Variants in TMEM87A observed in about 807,000 individuals in gnomAD.
TMEM87A encodes the protein Golgi-pH regulating cation channel.
A neutral mutation model predicts 90.0 loss-of-function variants in TMEM87A; 50 were observed. The observed-to-expected ratio is 0.56, with a 90% CI of 0.44 to 0.70. The LOEUF (loss-of-function observed/expected upper bound fraction) is 0.70, where lower values mean the gene tolerates loss of function less well. TMEM87A is among the 30% of genes least tolerant of loss of function. The probability of loss-of-function intolerance (pLI) is 0.00; values close to 1 mark genes in which losing one functional copy is unlikely to be tolerated. For synonymous variants in TMEM87A, 226 were observed against 226.7 expected (o/e 1.00, Z 0.03); for missense variants, 577 against 660.5 (o/e 0.87, Z 1.39).
At chr15:42,235,619 T>C (rs528956438) in intron 10 of TMEM87A, among the ~76,000 whole-genome samples, 2 of 152,300 alleles carry the variant, frequency 1.3e-5, no homozygotes, top group African/African-American at 4.8e-5. Flanking sequence ...CTTCAAAATA[T>C]ATATAGAATC....
At chr15:42,223,294 G>A (rs2050530336) in intron 15 of TMEM87A, among the ~76,000 whole-genome samples, 1 of 152,188 alleles carries the variant, frequency 6.6e-6, no homozygotes, top group Non-Finnish European at 1.5e-5. Context: ...TCAGGAGGCT[G>A]AGGTGGGAGG....
Position 42,227,727 on chromosome 15 carries a change from A to G in TMEM87A, c.1283T>C (p.Ile428Thr). Reference sequence around the variant, plus strand: ...ATAACTCACCGACTGACATGTCACTATTCTGAACTTCATGGTTGTCCAGAT... The same window carrying G: ...ATAACTCACCGACTGACATGTCACTGTTCTGAACTTCATGGTTGTCCAGAT... ...FIIWTTMKFR[I>T]VTCQSDWREL... Residue 428 changes from isoleucine (I) to threonine (T), a missense_variant, in exon 14 of 20, where the codon ATA becomes ACA. Coordinates refer to ENST00000389834, the MANE Select transcript of TMEM87A (RefSeq NM_015497.5). 1 of 1,613,952 alleles carries G rather than the reference A, an allele frequency of 6.2e-7. No homozygotes were observed. The highest frequency in any genetic ancestry group is 8.5e-7 in the Non-Finnish European group (1 of 1,179,898).
chr15:42,214,477 A>T (rs1279104090), intron 19 of TMEM87A, among the ~76,000 whole-genome samples: 1 of 152,220 alleles, frequency 6.6e-6, no homozygotes, highest in South Asian at 2.1e-4. Context: ...AAAGAATCAC[A>T]TACTATGACC....
intron 19 of TMEM87A, among the ~76,000 whole-genome samples, chr15:42,213,982 G>A (rs952306002): frequency 1.3e-5 from 2 of 152,124 alleles, no homozygotes; most frequent in African/African-American, 4.8e-5. Context: ...GGAGAACAAT[G>A]CATGAACAAA....
chr15:42,268,147 C>T (rs2051442876), intron 2 of TMEM87A, 115 bp from the exon 3 acceptor site: 6 of 666,776 alleles, frequency 9.0e-6, no homozygotes, highest in Non-Finnish European at 1.5e-5. Context: ...ACTCAAAGAC[C>T]ATCCTTTCTC....
chr15:42,254,751 A>C (rs921321635), intron 6 of TMEM87A, among the ~76,000 whole-genome samples: 1 of 152,230 alleles, frequency 6.6e-6, no homozygotes, highest in Non-Finnish European at 1.5e-5. Flanking sequence ...AGGCACTGAA[A>C]CTATTCTGTA....
At chr15:42,265,370 T>A (rs1445409407) in intron 3 of TMEM87A, among the ~76,000 whole-genome samples, 4 of 152,188 alleles carry the variant, frequency 2.6e-5, no homozygotes, top group African/African-American at 7.2e-5. Context: ...TGCCAGCATC[T>A]ATTATCCTTT....
chr15:42,214,185 T>G (rs1375584214), intron 19 of TMEM87A, among the ~76,000 whole-genome samples: 1 of 151,730 alleles, frequency 6.6e-6, no homozygotes, highest in African/African-American at 2.4e-5. Flanking sequence ...ATCAAAAACA[T>G]CCCAACAAAA....
chr15:42,268,064 A>G (rs1161115583), intron 2 of TMEM87A, 32 bp from the exon 3 acceptor site: 2 of 1,574,528 alleles, frequency 1.3e-6, no homozygotes, highest in African/African-American at 1.4e-5. Flanking sequence ...TTAACAAAAG[A>G]TAATTCCCCA....
chr15:42,238,183 T>A (rs2050810027), intron 8 of TMEM87A, among the ~76,000 whole-genome samples: 1 of 152,094 alleles, frequency 6.6e-6, no homozygotes, highest in Admixed American at 6.6e-5. Flanking sequence ...ACACCTGCAA[T>A]AGTGCTTTGG....
In TMEM87A at chr15:42,231,237, C is replaced by A; in HGVS notation, c.1086G>T (p.Leu362Phe). ...VTGAQTDLAS[L>F]AFIPLAFLDT... is the part of the protein sequence containing the mutation. ...CTAGGAAAGCCAAGGGGATAAAGGC[C>A]AAGGAAGCAAGATCAGTCTGGGCCT... The change falls in exon 12 of 20, where the codon TTG becomes TTT. Residue 362 changes from leucine to phenylalanine, a missense_variant. By Grantham distance (22) the Leu-to-Phe change is conservative (BLOSUM62 0). Coordinates refer to ENST00000389834, the MANE Select transcript of TMEM87A (RefSeq NM_015497.5). 6.3e-7 allele frequency: 1 copy of A among 1,590,096 alleles called. No homozygotes were observed. The highest frequency in any genetic ancestry group is 2.4e-5 in the East Asian group (1 of 42,252).
At chr15:42,253,602 C>T (rs1269698767) in intron 6 of TMEM87A, among the ~76,000 whole-genome samples, 1 of 152,182 alleles carries the variant, frequency 6.6e-6, no homozygotes, top group Non-Finnish European at 1.5e-5. Flanking sequence ...TATTAGTTCC[C>T]CTGGCACCAG....
intron 1 of TMEM87A, 93 bp downstream of exon 1, chr15:42,273,162 G>A: frequency 2.6e-6 from 4 of 1,511,242 alleles, no homozygotes; most frequent in East Asian, 2.3e-5. Context: ...CCCTTTTGAA[G>A]AGACTTTTGC....
chr15:42,242,085 A>C (rs1052226404), intron 7 of TMEM87A, among the ~76,000 whole-genome samples: 4 of 151,630 alleles, frequency 2.6e-5, no homozygotes, highest in African/African-American at 7.2e-5. Flanking sequence ...AAAGAAAAAA[A>C]AAAAGAAAAA....
chr15:42,273,232 A>T (rs1395786648), intron 1 of TMEM87A, 23 bp downstream of exon 1: 4 of 1,613,520 alleles, frequency 2.5e-6, no homozygotes, highest in South Asian at 2.2e-5. Flanking sequence ...CTAGGTTCAG[A>T]CGTTAGTGAA....
chr15:42,237,224 G>A (rs1252337000), intron 9 of TMEM87A, among the ~76,000 whole-genome samples: 1 of 152,064 alleles, frequency 6.6e-6, no homozygotes, highest in African/African-American at 2.4e-5. Context: ...TGTGACTTTT[G>A]TGAGCATATT....
Position 42,269,528 on chromosome 15 carries a change from T to C in TMEM87A, c.206-1496A>G, listed in dbSNP as rs544237653. Among the ~76,000 whole-genome samples, 5 of 152,236 alleles carry C rather than the reference T, an allele frequency of 3.3e-5. No homozygotes were observed. In the South Asian group the frequency reaches 1.0e-3, roughly 32 times the overall value. On this transcript the variant is annotated intron_variant, in intron 2 of 19. Transcript: ENST00000389834. ...TCCATACAGGGACAGGATTAACTAATAAAAAGCCAGTAAGAACACATCCCC... is the reference window on the plus strand; with the variant it reads ...TCCATACAGGGACAGGATTAACTAACAAAAAGCCAGTAAGAACACATCCCC...
chr15:42,241,535 A>C (rs962654369), intron 7 of TMEM87A, among the ~76,000 whole-genome samples: 1 of 152,238 alleles, frequency 6.6e-6, no homozygotes, highest in African/African-American at 2.4e-5. Flanking sequence ...AACTGGGACC[A>C]GTTGTAAAGA....
rs1291920434 is a variant in TMEM87A, at chr15:42,239,835, ATTTACT to A, written c.623-110_623-105del. The A allele has an allele frequency of 5.0e-6, 5 of 992,114 alleles. No homozygotes were observed. The Admixed American group carries it at 6.9e-5, about 14-fold the overall frequency. The allele number at this position is 992,114 out of a possible 1,614,324, so 61.5% of individuals were successfully genotyped here. A position where few individuals can be genotyped will look rare whatever the true frequency, so the allele number is the denominator to read the frequency against. On this transcript the variant is annotated intron_variant, in intron 7 of 19. Transcript: ENST00000389834. ...AACTTAGTAAGAATTTCATTGGGTC[ATTTACT>A]TTTAGGCACTTCAATCCTGGTCAAT...
Sources: gnomAD v4.1 joint callset for allele counts (sites outside exome capture counted in the v4.1 genomes callset) on GRCh38, gnomAD v4.1.1 for gene constraint, MANE v1.5 for transcripts, NCBI Gene and HGNC (gene_info 2026-07-23, HGNC 2026-07-21) for gene names.